USP34: variants seen among roughly 807,000 people sequenced by gnomAD.
USP34 encodes ubiquitin carboxyl-terminal hydrolase 34.
A neutral mutation model predicts 460.3 loss-of-function variants in USP34; 70 were observed. The observed-to-expected ratio is 0.15, with a 90% CI of 0.13 to 0.19. The LOEUF (loss-of-function observed/expected upper bound fraction) is 0.19, where lower values mean the gene tolerates loss of function less well. USP34 is among the 10% of genes least tolerant of loss of function. The pLI, the probability that USP34 is intolerant of heterozygous loss-of-function variation, is 1.00. For missense variants in USP34, 3,985 were observed against 4,236.2 expected, an observed-to-expected ratio of 0.94 and a Z score of 1.65; for synonymous variants, 1,647 against 1,405.3, an observed-to-expected ratio of 1.17 and a Z score of -3.85.
chr2:61,359,522 A>G (rs1316123897), intron 10 of USP34, among the ~76,000 whole-genome samples: 1 of 152,308 alleles, frequency 6.6e-6, no homozygotes, highest in African/African-American at 2.4e-5. Context: ...TCTTCATGAC[A>G]TTGGATTTGA....
intron 39 of USP34, among the ~76,000 whole-genome samples, chr2:61,278,809 T>G (rs769557414): frequency 6.6e-6 from 1 of 152,150 alleles, no homozygotes; most frequent in Non-Finnish European, 1.5e-5. Context: ...AGTAATCTAT[T>G]AAGACACTGA....
intron 1 of USP34, among the ~76,000 whole-genome samples, chr2:61,462,824 T>C (rs1156859654): frequency 7.0e-6 from 1 of 143,348 alleles, no homozygotes; most frequent in Non-Finnish European, 1.5e-5. Flanking sequence ...ACTGTACCAA[T>C]GCACTCCAGC....
chr2:61,230,599 C>T (rs1426387719), intron 58 of USP34, among the ~76,000 whole-genome samples: 1 of 152,058 alleles, frequency 6.6e-6, no homozygotes, highest in East Asian at 1.9e-4. Context: ...TAACAGCACA[C>T]TGGGAGGCCA....
chr2:61,285,959 C>T (rs1689677455), intron 34 of USP34, among the ~76,000 whole-genome samples: 1 of 152,102 alleles, frequency 6.6e-6, no homozygotes, highest in Non-Finnish European at 1.5e-5. Context: ...CACATACTTC[C>T]TAAGGCACTG....
In USP34 at chr2:61,350,356, G is replaced by T; in HGVS notation, c.1411C>A (p.Leu471Met). ...LYLASMLIKA[L>M]WNNALAAKAQ... ...TTAGCTGCTAGTGCGTTATTCCACA[G>T]TGCTTTAATTAACATGGATGCCAAG... The change falls in exon 12 of 80, where the codon CTG (leucine) becomes ATG (methionine). Residue 471 changes from leucine (L) to methionine (M), a missense_variant. Leu to Met is a conservative substitution (Grantham distance 15). Around this residue, in one of 14 missense-constraint regions of USP34, gnomAD observed 716 missense variants for 626.2 expected, o/e 1.14. Transcript: ENST00000398571. The T allele has an allele frequency of 6.2e-7, 1 of 1,613,494 alleles. No individual in the cohort carries two copies. Among genetic ancestry groups the T allele is most frequent in the Non-Finnish European group, 8.5e-7 (1 of 1,179,794 alleles).
chr2:61,409,724 T>A (rs569865030), intron 2 of USP34, among the ~76,000 whole-genome samples: 68 of 151,924 alleles, frequency 4.5e-4, no homozygotes, highest in African/African-American at 1.6e-3. Flanking sequence ...AAAAAGTAAA[T>A]AAATAAATAA....
At chr2:61,346,982 A>G (rs1409172520) in intron 15 of USP34, among the ~76,000 whole-genome samples, 1 of 151,980 alleles carries the variant, frequency 6.6e-6, no homozygotes, top group African/African-American at 2.4e-5. Flanking sequence ...TACTAAAAAT[A>G]CTAAAAAAGT....
chr2:61,319,169 T>A lies in USP34; in HGVS notation c.3168+4A>T, dbSNP rs766911384. The A allele has an allele frequency of 1.3e-6, 2 of 1,551,524 alleles. No individual in the cohort carries two copies. Among genetic ancestry groups the A allele is most frequent in the Non-Finnish European group, 1.7e-6 (2 of 1,159,086 alleles). On this transcript the variant is annotated splice_donor_region_variant and intron_variant, in intron 22 of 79. Transcript: ENST00000398571. The stretch of plus-strand genomic sequence containing the variant: ...TAATAACAAACTGAGAGAAATGTAA[T>A]TACCTTCTCCAGGAAAAGATGTTTG...
intron 1 of USP34, among the ~76,000 whole-genome samples, chr2:61,438,688 A>G (rs1002672665): frequency 6.6e-6 from 1 of 152,214 alleles, no homozygotes; most frequent in African/African-American, 2.4e-5. Flanking sequence ...TAAAGGCCAT[A>G]TATGACAAAC....
chr2:61,387,370 C>G (rs558011676), intron 5 of USP34, among the ~76,000 whole-genome samples: 13 of 151,984 alleles, frequency 8.6e-5, no homozygotes, highest in Middle Eastern at 3.4e-3. Context: ...AAAGCTGAGG[C>G]AGGAGAATCG....
In USP34 at chr2:61,333,612, G is replaced by C. The variant is rs532579386; in HGVS notation, c.2834+270C>G. On this transcript the variant is annotated intron_variant, in intron 19 of 79. Transcript: ENST00000398571. The stretch of plus-strand genomic sequence containing the variant: ...TCTTCTTCAAAAGTACTCTGCTGTA[G>C]CTGCATACGCTAAAAATCTCCCTAA... Among the ~76,000 whole-genome samples the C allele has an allele frequency of 1.3e-4, 20 of 152,166 alleles. No individual in the cohort carries two copies. In the South Asian group the frequency reaches 3.9e-3, roughly 30 times the overall value.
intron 41 of USP34, among the ~76,000 whole-genome samples, chr2:61,276,191 A>G (rs888938403): frequency 6.6e-6 from 1 of 152,202 alleles, no homozygotes; most frequent in Non-Finnish European, 1.5e-5. Flanking sequence ...GCATTCTCAT[A>G]CAGTGTGGCT....
intron 66 of USP34, 120 bp downstream of exon 66, chr2:61,221,382 G>C (rs1418606758): frequency 2.3e-6 from 2 of 856,290 alleles, no homozygotes; most frequent in Non-Finnish European, 3.6e-6. Context: ...CCCCAAACCT[G>C]TGACTTACTA....
intron 1 of USP34, among the ~76,000 whole-genome samples, chr2:61,450,828 C>G: frequency 6.6e-6 from 1 of 151,376 alleles, no homozygotes; most frequent in East Asian, 1.9e-4. Flanking sequence ...TCAACTCTTA[C>G]CCCACTTATA....
At chr2:61,442,320 C>T (rs1694988533) in intron 1 of USP34, among the ~76,000 whole-genome samples, 1 of 150,956 alleles carries the variant, frequency 6.6e-6, no homozygotes, top group South Asian at 2.1e-4. Context: ...AAAAGACAAC[C>T]TACAGAATGA....
chr2:61,348,729 T>C (rs770515671), intron 14 of USP34, 27 bp downstream of exon 14: 18 of 1,600,334 alleles, frequency 1.1e-5, no homozygotes, highest in Admixed American at 1.1e-4. Context: ...AAAATGCCTA[T>C]AAAAGAAGAA....
intron 1 of USP34, among the ~76,000 whole-genome samples, chr2:61,468,051 T>C (rs975319022): frequency 2.0e-5 from 3 of 152,146 alleles, no homozygotes; most frequent in African/African-American, 7.2e-5. Flanking sequence ...TATAATCTAC[T>C]TCAACAAGTT....
At chr2:61,343,271 C>T (rs1691661482) in intron 16 of USP34, among the ~76,000 whole-genome samples, 1 of 152,094 alleles carries the variant, frequency 6.6e-6, no homozygotes, top group Non-Finnish European at 1.5e-5. Context: ...CTACTCTTTA[C>T]CTTCCTCCAT....
At chr2:61,296,588 C>A (rs1690038076) in intron 30 of USP34, among the ~76,000 whole-genome samples, 1 of 152,210 alleles carries the variant, frequency 6.6e-6, no homozygotes, top group Non-Finnish European at 1.5e-5. Context: ...CTTCATCTTA[C>A]ATTTAGCCTC....
Sources: gnomAD v4.1 joint callset for allele counts (sites outside exome capture counted in the v4.1 genomes callset) on GRCh38, gnomAD v4.1.1 for gene constraint, gnomAD v4.1.1 regional missense constraint, MANE v1.5 for transcripts, NCBI Gene and HGNC (gene_info 2026-07-23, HGNC 2026-07-21) for gene names.